The following TACR3 variants were observed in gnomAD, a reference collection of about 807,000 sequenced individuals.
The protein encoded by TACR3 is tachykinin receptor 3, also known as neuromedin-K receptor.
In TACR3, 34 loss-of-function variants were observed where a neutral mutation model predicts 35.0. The ratio of observed to expected loss-of-function variants is 0.97; its 90% confidence interval spans 0.74 to 1.30. The LOEUF (loss-of-function observed/expected upper bound fraction) is 1.30, where lower values mean the gene tolerates loss of function less well. TACR3 is among the 50% of genes most tolerant of loss of function. The probability of loss-of-function intolerance (pLI) is 0.00; values close to 1 mark genes in which losing one functional copy is unlikely to be tolerated. For synonymous variants in TACR3, 233 were observed against 221.1 expected (o/e 1.05, Z -0.48); for missense variants, 558 against 591.7 (o/e 0.94, Z 0.59).
chr4:103,660,588 G>T (rs1725821041), intron 1 of TACR3, among the ~76,000 whole-genome samples: 1 of 151,726 alleles, frequency 6.6e-6, no homozygotes, highest in African/African-American at 2.4e-5. Flanking sequence ...AATTTTTTGA[G>T]GTGATGGATA....
At chr4:103,690,183 G>A (rs1560532896) in intron 1 of TACR3, among the ~76,000 whole-genome samples, 1 of 152,168 alleles carries the variant, frequency 6.6e-6, no homozygotes, top group Non-Finnish European at 1.5e-5. Flanking sequence ...ACTAAAGGAT[G>A]TTCTTCAGGC....
At chr4:103,635,164 CATT>C (rs1056096712) in intron 3 of TACR3, among the ~76,000 whole-genome samples, 1 of 151,818 alleles carries the variant, frequency 6.6e-6, no homozygotes, top group African/African-American at 2.4e-5. Context: ...ATAAACATGA[CATT>C]GTACTATAAG....
chr4:103,616,979 A>C (rs114439693), intron 3 of TACR3, among the ~76,000 whole-genome samples: 2,078 of 152,108 alleles, frequency 0.014, 44 homozygotes, highest in African/African-American at 0.047. Context: ...GAATTAAAAA[A>C]CCCAGACCTC....
At chr4:103,681,117 T>A (rs1176476788) in intron 1 of TACR3, among the ~76,000 whole-genome samples, 1 of 152,056 alleles carries the variant, frequency 6.6e-6, no homozygotes, top group African/African-American at 2.4e-5. Flanking sequence ...TTCTTTAAAC[T>A]GGTAAAATAG....
intron 3 of TACR3, among the ~76,000 whole-genome samples, chr4:103,592,298 T>C (rs1328897919): frequency 1.3e-5 from 2 of 152,230 alleles, no homozygotes; most frequent in African/African-American, 4.8e-5. Context: ...AAATACTAAC[T>C]TGAGATTTGC....
intron 3 of TACR3, 142 bp from the exon 4 acceptor site, chr4:103,591,825 C>A: frequency 1.2e-6 from 1 of 837,300 alleles, no homozygotes; most frequent in Admixed American, 2.2e-5. Context: ...AATGGTGAAG[C>A]AATATACGGA....
chr4:103,653,561 G>GACTT (rs1284418503), intron 3 of TACR3, among the ~76,000 whole-genome samples: 1 of 152,036 alleles, frequency 6.6e-6, no homozygotes, highest in Non-Finnish European at 1.5e-5. Context: ...ATGGATTAAA[G>GACTT]ACTTACATGT....
rs374928781 is a variant in TACR3 at position 103,719,361 on chromosome 4, G to T, written c.315C>A (p.Ile105=). Reference sequence around the variant, plus strand: ...TGTGGGCCAGGATGATCCAGATGACGATGAGATTTCCCAAAACTGCCACTG... The same window carrying T: ...TGTGGGCCAGGATGATCCAGATGACTATGAGATTTCCCAAAACTGCCACTG... The part of the protein sequence containing the change: ...VVAVAVLGNL[I]VIWIILAHKR... Residue 105 remains isoleucine (I), a synonymous_variant, in exon 1 of 5, where the codon ATC becomes ATA. Coordinates refer to ENST00000304883, the MANE Select transcript of TACR3 (RefSeq NM_001059.3). 2 of 1,614,128 alleles carry T rather than the reference G, an allele frequency of 1.2e-6. No homozygotes were observed. The highest frequency in any genetic ancestry group is 1.7e-6 in the Non-Finnish European group (2 of 1,180,052).
chr4:103,634,027 A>G (rs529316528), intron 3 of TACR3, among the ~76,000 whole-genome samples: 30 of 152,242 alleles, frequency 2.0e-4, no homozygotes, highest in African/African-American at 7.0e-4. Context: ...AAGATTACAC[A>G]TGGTTATAAA....
chr4:103,619,836 A>G (rs574186431), intron 3 of TACR3, among the ~76,000 whole-genome samples: 1 of 152,340 alleles, frequency 6.6e-6, no homozygotes, highest in East Asian at 1.9e-4. Context: ...CAACTTGCAG[A>G]TATTGAAACA....
chr4:103,587,258 CTTGTT>C lies in TACR3; in HGVS notation c.*2419_*2423del, dbSNP rs1436717773. The C allele has an allele frequency of 1.3e-5, 2 of 151,966 alleles. No individual in the cohort carries two copies. The highest frequency in any genetic ancestry group is 2.9e-5 in the Non-Finnish European group (2 of 67,958). The allele number at this position is 151,966 out of a possible 1,614,324, so 9.4% of individuals were successfully genotyped here. On this transcript the variant is annotated 3_prime_UTR_variant, in exon 5 of 5. Coordinates refer to ENST00000304883, the MANE Select transcript of TACR3 (RefSeq NM_001059.3). ...AAAATCTTCTCTTTTATATTTCACT[CTTGTT>C]TTATTATTGTCGTTTAAATTTTTGA...
intron 3 of TACR3, among the ~76,000 whole-genome samples, chr4:103,640,630 C>G (rs564256293): frequency 1.3e-5 from 2 of 151,572 alleles, no homozygotes; most frequent in African/African-American, 4.9e-5. Context: ...TATCTTTACT[C>G]TATTGCAAGC....
chr4:103,650,857 TA>T lies in TACR3; in HGVS notation c.888+5336del, dbSNP rs1477390515. Among the ~76,000 whole-genome samples, 78 of 40,240 alleles carry T rather than the reference TA, an allele frequency of 1.9e-3. 15 individuals carry two copies. The highest frequency in any genetic ancestry group is 6.5e-3 in the African/African-American group (48 of 7,348). The allele number at this position is 40,240 out of a possible 152,430, so 26.4% of individuals were successfully genotyped here. ...TATATCTTATATATAATAATATATA[TA>T]TCTCATATATAATAATATATATATC... On this transcript the variant is annotated intron_variant, in intron 3 of 4. Transcript: ENST00000304883.
At chr4:103,710,669 C>CA (rs1264093769) in intron 1 of TACR3, among the ~76,000 whole-genome samples, 7 of 151,880 alleles carry the variant, frequency 4.6e-5, no homozygotes, top group African/African-American at 9.7e-5. Flanking sequence ...GATAGAGACA[C>CA]AAAAAACCCT....
chr4:103,710,781 T>G (rs562506395), intron 1 of TACR3, among the ~76,000 whole-genome samples: 6 of 151,998 alleles, frequency 3.9e-5, no homozygotes, highest in Non-Finnish European at 5.9e-5. Context: ...TGGAATCAAA[T>G]AGACGCAATA....
intron 3 of TACR3, among the ~76,000 whole-genome samples, chr4:103,654,288 G>T (rs1424080283): frequency 6.6e-6 from 1 of 151,416 alleles, no homozygotes; most frequent in Non-Finnish European, 1.5e-5. Context: ...CAAAGACTTG[G>T]AACCAACCCA....
intron 3 of TACR3, among the ~76,000 whole-genome samples, chr4:103,622,093 G>C (rs1157705683): frequency 6.6e-6 from 1 of 152,166 alleles, no homozygotes; most frequent in Non-Finnish European, 1.5e-5. Context: ...GAGACTTCTC[G>C]AAGGGGGAGT....
At chr4:103,643,773 A>G (rs576620771) in intron 3 of TACR3, among the ~76,000 whole-genome samples, 2 of 151,796 alleles carry the variant, frequency 1.3e-5, no homozygotes, top group Non-Finnish European at 2.9e-5. Context: ...TGAAGTATTG[A>G]TAATGATGGC....
At chr4:103,693,527 A>G (rs534537044) in intron 1 of TACR3, among the ~76,000 whole-genome samples, 1 of 152,252 alleles carries the variant, frequency 6.6e-6, no homozygotes, top group East Asian at 1.9e-4. Flanking sequence ...ATTTTTAGGT[A>G]AATGTGCATT....
Sources: gnomAD v4.1 joint callset for allele counts (sites outside exome capture counted in the v4.1 genomes callset) on GRCh38, gnomAD v4.1.1 for gene constraint, MANE v1.5 for transcripts, NCBI Gene and HGNC (gene_info 2026-07-23, HGNC 2026-07-21) for gene names.